Variants in ANKS1B observed in about 807,000 individuals in gnomAD.
ANKS1B encodes ankyrin repeat and sterile alpha motif domain-containing protein 1B.
ANKS1B carries 36 observed loss-of-function variants against 148.3 expected under a neutral mutation model. That is an observed-to-expected ratio of 0.24 (90% CI 0.19 to 0.32). The LOEUF (loss-of-function observed/expected upper bound fraction) is 0.32. Among genes scored for constraint, ANKS1B ranks in the 10% least tolerant of loss-of-function variants. The pLI is 1.00. For synonymous variants in ANKS1B, 542 were observed against 560.8 expected (o/e 0.97, Z 0.47); for missense variants, 1,157 against 1,542.6 (o/e 0.75, Z 4.19).
chr12:99,309,508 C>G (rs976607461), intron 12 of ANKS1B, among the ~76,000 whole-genome samples: 7 of 151,988 alleles, frequency 4.6e-5, no homozygotes, highest in African/African-American at 1.7e-4. Context: ...TTAAAAATCA[C>G]TAAGTGTGAG....
At chr12:99,040,371 G>A (rs1430570412) in intron 17 of ANKS1B, among the ~76,000 whole-genome samples, 5 of 151,990 alleles carry the variant, frequency 3.3e-5, no homozygotes, top group Non-Finnish European at 5.9e-5. Flanking sequence ...TGCACCATGT[G>A]CCCTCCAGTG....
Position 99,731,521 on chromosome 12 carries a change from C to T in ANKS1B, c.1128+41401G>A, listed in dbSNP as rs2059161300. On this transcript the variant is annotated intron_variant, in intron 8 of 26. Coordinates refer to ENST00000683438, the MANE Select transcript of ANKS1B (RefSeq NM_001352186.2). ...CTGCTGAGCTTCTCATGCTATTATG[C>T]CAGAAGTCCCTCCCAGTCAATTAAC... Among the ~76,000 whole-genome samples, 3 of 150,950 alleles carry T rather than the reference C, an allele frequency of 2.0e-5. No homozygotes were observed. The South Asian group carries it at 6.3e-4, about 32-fold the overall frequency.
At chr12:98,907,005 CT>C (rs1233818437) in intron 17 of ANKS1B, among the ~76,000 whole-genome samples, 1 of 145,644 alleles carries the variant, frequency 6.9e-6, no homozygotes, top group African/African-American at 2.5e-5. Flanking sequence ...CATAGTTACT[CT>C]GTGTGTGTGT....
At position 99,648,673 on chromosome 12, in the gene ANKS1B, GA is replaced by G. The variant is rs751356996; in HGVS notation, c.1272+6393del. 5.0e-6 allele frequency: 8 copies of G among 1,614,150 alleles called. No homozygotes were observed. In the East Asian group the frequency reaches 1.8e-4, roughly 36 times the overall value. On this transcript the variant is annotated intron_variant, in intron 9 of 26. Coordinates refer to ENST00000683438, the MANE Select transcript of ANKS1B (RefSeq NM_001352186.2). ...AAGTGAAGACCTTTTTGTTCACTGG[GA>G]AAACCTTGTTTACATCCTGAGACCA...
At chr12:99,221,833 C>T (rs974141217) in intron 14 of ANKS1B, among the ~76,000 whole-genome samples, 2 of 152,114 alleles carry the variant, frequency 1.3e-5, no homozygotes, top group Non-Finnish European at 2.9e-5. Flanking sequence ...GTATCCATCA[C>T]ACATATGCCT....
intron 12 of ANKS1B, among the ~76,000 whole-genome samples, chr12:99,377,259 G>C (rs958511013): frequency 6.6e-6 from 1 of 152,088 alleles, no homozygotes; most frequent in Non-Finnish European, 1.5e-5. Flanking sequence ...GCCCGCCTCA[G>C]CCTCCCAAAG....
chr12:99,955,479 C>T (rs1309033304), intron 1 of ANKS1B, among the ~76,000 whole-genome samples: 1 of 106,780 alleles, frequency 9.4e-6, no homozygotes, highest in Non-Finnish European at 1.7e-5. Context: ...GGCGACAGAG[C>T]GAAACTCCGT....
chr12:99,106,818 C>T (rs923509282), intron 15 of ANKS1B, among the ~76,000 whole-genome samples: 9 of 152,248 alleles, frequency 5.9e-5, no homozygotes, highest in East Asian at 1.9e-4. Flanking sequence ...AATTTGGTTA[C>T]GAATTGATAA....
chr12:99,629,167 C>T (rs547649238), intron 9 of ANKS1B, among the ~76,000 whole-genome samples: 5 of 152,112 alleles, frequency 3.3e-5, no homozygotes, highest in Non-Finnish European at 7.3e-5. Flanking sequence ...TACCATCTAA[C>T]CTTTTACAGA....
chr12:99,234,175 C>T (rs970462211), intron 14 of ANKS1B, among the ~76,000 whole-genome samples: 2 of 152,146 alleles, frequency 1.3e-5, no homozygotes, highest in Non-Finnish European at 2.9e-5. Context: ...ACACATACTA[C>T]ATAAAACGGT....
chr12:98,936,993 CTCTGTA>C (rs1458361107), intron 17 of ANKS1B, among the ~76,000 whole-genome samples: 1 of 152,156 alleles, frequency 6.6e-6, no homozygotes, highest in East Asian at 1.9e-4. Flanking sequence ...CAGTGAGTTA[CTCTGTA>C]TCTTTAGGTC....
chr12:99,534,011 T>A (rs2097032681), intron 9 of ANKS1B, among the ~76,000 whole-genome samples: 1 of 152,142 alleles, frequency 6.6e-6, no homozygotes, highest in Non-Finnish European at 1.5e-5. Context: ...TAATTATTTT[T>A]AAAAAACCCT....
intron 15 of ANKS1B, among the ~76,000 whole-genome samples, chr12:99,117,989 G>T (rs368558670): frequency 2.6e-4 from 39 of 152,316 alleles, no homozygotes; most frequent in African/African-American, 9.4e-4. Context: ...ATGCATAGAG[G>T]TATTTATAGC....
intron 17 of ANKS1B, among the ~76,000 whole-genome samples, chr12:99,044,237 C>T (rs2099960880): frequency 6.6e-6 from 1 of 151,438 alleles, no homozygotes; most frequent in East Asian, 2.0e-4. Context: ...GCAACAGGCT[C>T]TGCCCTAAAT....
At chr12:98,947,944 G>A (rs892327933) in intron 17 of ANKS1B, among the ~76,000 whole-genome samples, 7 of 152,202 alleles carry the variant, frequency 4.6e-5, no homozygotes, top group African/African-American at 1.4e-4. Flanking sequence ...ACCAACCGGT[G>A]TGAGATATTC....
At chr12:99,375,140 T>A (rs1215178314) in intron 12 of ANKS1B, among the ~76,000 whole-genome samples, 1 of 152,192 alleles carries the variant, frequency 6.6e-6, no homozygotes, top group Non-Finnish European at 1.5e-5. Context: ...AGCACTTGGG[T>A]ATATCAGGGC....
At chr12:99,319,578 G>A (rs1011385745) in intron 12 of ANKS1B, among the ~76,000 whole-genome samples, 25 of 152,234 alleles carry the variant, frequency 1.6e-4, no homozygotes, top group African/African-American at 4.6e-4. Flanking sequence ...GTCTCTGCAC[G>A]TGAGATGGGT....
intron 14 of ANKS1B, among the ~76,000 whole-genome samples, chr12:99,240,328 A>G (rs1433867895): frequency 1.3e-5 from 2 of 152,238 alleles, no homozygotes; most frequent in Admixed American, 1.3e-4. Flanking sequence ...GCCACTATAT[A>G]ATGGTAAACG....
At chr12:99,005,737 G>A (rs1270078116) in intron 17 of ANKS1B, among the ~76,000 whole-genome samples, 1 of 152,112 alleles carries the variant, frequency 6.6e-6, no homozygotes, top group Non-Finnish European at 1.5e-5. Flanking sequence ...GGCTTTCTCA[G>A]TTATAAGACT....
Sources: allele counts gnomAD v4.1 joint callset (sites outside exome capture counted in the v4.1 genomes callset), GRCh38; gene constraint gnomAD v4.1.1; transcripts MANE v1.5; gene names NCBI Gene and HGNC (gene_info 2026-07-23, HGNC 2026-07-21).